The following CPE variants were observed in gnomAD, a reference collection of about 807,000 sequenced individuals.
CPE encodes the protein carbocypeptidase E.
A neutral mutation model predicts 53.5 loss-of-function variants in CPE; 17 were observed. That is an observed-to-expected ratio of 0.32 (90% CI 0.22 to 0.48). CPE has a LOEUF of 0.48. Among genes scored for constraint, CPE ranks in the 20% least tolerant of loss-of-function variants. The pLI is 0.99. For synonymous variants in CPE, 226 were observed against 228.8 expected, an observed-to-expected ratio of 0.99 and a Z score of 0.11; for missense variants, 524 against 614.7, an observed-to-expected ratio of 0.85 and a Z score of 1.56.
intron 1 of CPE, among the ~76,000 whole-genome samples, chr4:165,427,245 A>G (rs28655558): frequency 1.3e-5 from 2 of 152,102 alleles, no homozygotes; most frequent in South Asian, 2.1e-4. Flanking sequence ...TGTTCTTTTG[A>G]TTGAAAGAAT....
intron 2 of CPE, among the ~76,000 whole-genome samples, chr4:165,465,900 T>A (rs1732089047): frequency 6.6e-6 from 1 of 152,220 alleles, no homozygotes; most frequent in South Asian, 2.1e-4. Flanking sequence ...TTAAATCTAA[T>A]TATAGAATGA....
intron 1 of CPE, among the ~76,000 whole-genome samples, chr4:165,459,363 G>A (rs1731954716): frequency 1.3e-5 from 2 of 152,096 alleles, no homozygotes; most frequent in Admixed American, 6.5e-5. Flanking sequence ...TCTGTGATAC[G>A]GATGGAAAAA....
At chr4:165,391,615 ACT>A (rs1730680819) in intron 1 of CPE, among the ~76,000 whole-genome samples, 1 of 152,074 alleles carries the variant, frequency 6.6e-6, no homozygotes, top group Non-Finnish European at 1.5e-5. Flanking sequence ...TGGAAATCAA[ACT>A]CTGAGTAGTA....
At chr4:165,398,788 T>G (rs1730817499) in intron 1 of CPE, among the ~76,000 whole-genome samples, 1 of 152,194 alleles carries the variant, frequency 6.6e-6, no homozygotes, top group Non-Finnish European at 1.5e-5. Flanking sequence ...TGAGTGGCAT[T>G]AATATGTTGC....
chr4:165,445,624 A>T (rs1039691415), intron 1 of CPE, among the ~76,000 whole-genome samples: 2 of 152,208 alleles, frequency 1.3e-5, no homozygotes, highest in Non-Finnish European at 1.5e-5. Flanking sequence ...ATGAAGAAAG[A>T]TGTACTTATT....
At chr4:165,467,501 A>G (rs1732128776) in intron 2 of CPE, among the ~76,000 whole-genome samples, 187 bp from the exon 3 acceptor site, 1 of 152,208 alleles carries the variant, frequency 6.6e-6, no homozygotes, top group Non-Finnish European at 1.5e-5. Context: ...GCGGCCCATC[A>G]CAGTACTTTA....
At chr4:165,387,678 A>T (rs563969594) in intron 1 of CPE, among the ~76,000 whole-genome samples, 1 of 152,000 alleles carries the variant, frequency 6.6e-6, no homozygotes, top group African/African-American at 2.4e-5. Context: ...CCGTGGTGGC[A>T]CATGCCTGTA....
At chr4:165,436,609 T>C (rs1413273235) in intron 1 of CPE, among the ~76,000 whole-genome samples, 1 of 152,240 alleles carries the variant, frequency 6.6e-6, no homozygotes, top group East Asian at 1.9e-4. Context: ...TGCTGAACCA[T>C]GATCTAGACT....
intron 1 of CPE, among the ~76,000 whole-genome samples, chr4:165,413,451 C>T (rs1477691268): frequency 6.6e-6 from 1 of 152,156 alleles, no homozygotes; most frequent in Non-Finnish European, 1.5e-5. Context: ...TGAACACCAG[C>T]TTCATTAGGA....
At chr4:165,442,549 G>A (rs1430134209) in intron 1 of CPE, among the ~76,000 whole-genome samples, 4 of 152,080 alleles carry the variant, frequency 2.6e-5, no homozygotes, top group African/African-American at 7.2e-5. Context: ...AACATCAGAG[G>A]TTGATCTGTG....
chr4:165,384,088 T>C (rs1730547061), intron 1 of CPE, among the ~76,000 whole-genome samples: 2 of 152,222 alleles, frequency 1.3e-5, no homozygotes, highest in African/African-American at 4.8e-5. Context: ...CTTACCGTCT[T>C]ACCACGGGGC....
At chr4:165,405,682 A>G in intron 1 of CPE, 1 of 794,808 alleles carries the variant, frequency 1.3e-6, no homozygotes, top group Non-Finnish European at 2.3e-6. Flanking sequence ...TGGAAGTTTT[A>G]GTCCTGGTCG....
At chr4:165,496,057 CCAAA>C (rs1732700995) in intron 8 of CPE, among the ~76,000 whole-genome samples, 1 of 151,792 alleles carries the variant, frequency 6.6e-6, no homozygotes, top group African/African-American at 2.4e-5. Context: ...TAGGTGGTAA[CCAAA>C]CACTTATTTA....
At chr4:165,380,851 A>G (rs1730496358) in intron 1 of CPE, among the ~76,000 whole-genome samples, 1 of 152,356 alleles carries the variant, frequency 6.6e-6, no homozygotes, top group South Asian at 2.1e-4. Context: ...TTTAATATTA[A>G]CTACTCTTAT....
chr4:165,425,695 A>T (rs990075337), intron 1 of CPE, among the ~76,000 whole-genome samples: 2 of 152,016 alleles, frequency 1.3e-5, no homozygotes, highest in Non-Finnish European at 2.9e-5. Context: ...ATAGAGTCCT[A>T]GAAGAAGTTT....
intron 1 of CPE, chr4:165,406,124 TC>T (rs1179802007): frequency 2.7e-6 from 2 of 754,042 alleles, no homozygotes; most frequent in African/African-American, 3.4e-5. Flanking sequence ...ATTCATAACT[TC>T]CGTGAACTCT....
chr4:165,386,595 A>G (rs1431129161), intron 1 of CPE, among the ~76,000 whole-genome samples: 1 of 152,202 alleles, frequency 6.6e-6, no homozygotes, highest in Non-Finnish European at 1.5e-5. Flanking sequence ...AAATATACCA[A>G]TGTGAATTAC....
intron 1 of CPE, among the ~76,000 whole-genome samples, chr4:165,423,857 T>C (rs536012371): frequency 1.4e-5 from 2 of 143,950 alleles, no homozygotes; most frequent in Non-Finnish European, 3.0e-5. Context: ...TATGTTCTCA[T>C]TGTTCAATTC....
intron 1 of CPE, among the ~76,000 whole-genome samples, chr4:165,389,405 T>G (rs113343810): frequency 6.6e-6 from 1 of 152,200 alleles, no homozygotes; most frequent in African/African-American, 2.4e-5. Context: ...ATCTGAGAGG[T>G]TGGTTCTTGT....
Sources: allele counts gnomAD v4.1 joint callset (sites outside exome capture counted in the v4.1 genomes callset), GRCh38; gene constraint gnomAD v4.1.1; transcripts MANE v1.5; gene names NCBI Gene and HGNC (gene_info 2026-07-23, HGNC 2026-07-21).